Variants in TAFA1 observed in about 807,000 individuals in gnomAD.
TAFA1 encodes TAFA chemokine like family member 1.
In TAFA1, 4 loss-of-function variants were observed where a neutral mutation model predicts 18.5. The observed-to-expected ratio is 0.22, with a 90% CI of 0.11 to 0.49. The LOEUF is 0.49. Among genes scored for constraint, TAFA1 ranks in the 20% least tolerant of loss-of-function variants. The pLI is 0.98. For missense variants in TAFA1, 147 were observed against 169.0 expected (o/e 0.87, Z 0.72); for synonymous variants, 56 against 55.2 (o/e 1.01, Z -0.06).
chr3:68,434,863 C>T (rs1436855281), intron 3 of TAFA1, among the ~76,000 whole-genome samples: 1 of 152,020 alleles, frequency 6.6e-6, no homozygotes, highest in African/African-American at 2.4e-5. Flanking sequence ...CCTGTCGAAA[C>T]CAAAAATGAT....
intron 2 of TAFA1, among the ~76,000 whole-genome samples, chr3:68,261,142 C>T (rs1171426459): frequency 6.6e-6 from 1 of 152,074 alleles, no homozygotes; most frequent in African/African-American, 2.4e-5. Context: ...GACATTTATG[C>T]ATCCAAAAGA....
At chr3:68,524,330 A>T (rs1049305744) in intron 3 of TAFA1, among the ~76,000 whole-genome samples, 6 of 152,074 alleles carry the variant, frequency 3.9e-5, no homozygotes, top group Non-Finnish European at 7.4e-5. Flanking sequence ...CTAACCTTTT[A>T]TTGGATGAAA....
At chr3:68,284,312 G>C (rs182124324) in intron 2 of TAFA1, among the ~76,000 whole-genome samples, 69 of 152,220 alleles carry the variant, frequency 4.5e-4, no homozygotes, top group Middle Eastern at 6.8e-3. Flanking sequence ...AAATCCATCA[G>C]AATGGCCAAA....
At chr3:68,115,357 C>G (rs1162638596) in intron 2 of TAFA1, among the ~76,000 whole-genome samples, 1 of 152,128 alleles carries the variant, frequency 6.6e-6, no homozygotes, top group Admixed American at 6.5e-5. Context: ...CCCATTATTG[C>G]TTCCCAGATG....
At chr3:68,282,796 A>C (rs542407630) in intron 2 of TAFA1, among the ~76,000 whole-genome samples, 2 of 152,282 alleles carry the variant, frequency 1.3e-5, no homozygotes, top group South Asian at 4.1e-4. Flanking sequence ...CTTTTATTTC[A>C]ATGAGATGAT....
chr3:68,448,441 C>T (rs1359463197), intron 3 of TAFA1, among the ~76,000 whole-genome samples: 1 of 152,108 alleles, frequency 6.6e-6, no homozygotes, highest in Non-Finnish European at 1.5e-5. Context: ...AACAATGTTT[C>T]AATGACTCTA....
chr3:68,257,919 G>A (rs1405375092), intron 2 of TAFA1, among the ~76,000 whole-genome samples: 2 of 152,012 alleles, frequency 1.3e-5, no homozygotes, highest in Non-Finnish European at 2.9e-5. Flanking sequence ...CATAACCCCA[G>A]CCTAACTATA....
At chr3:68,134,157 G>T (rs1392621162) in intron 2 of TAFA1, among the ~76,000 whole-genome samples, 1 of 151,752 alleles carries the variant, frequency 6.6e-6, no homozygotes, top group Non-Finnish European at 1.5e-5. Flanking sequence ...AGAATGGCCT[G>T]TGCAAAAGGG....
chr3:68,466,864 T>C (rs1395684849), intron 3 of TAFA1, among the ~76,000 whole-genome samples: 3 of 152,148 alleles, frequency 2.0e-5, no homozygotes. Flanking sequence ...ATAGAAATTT[T>C]AAAGCTGGGT....
At chr3:68,439,550 T>C (rs578220715) in intron 3 of TAFA1, among the ~76,000 whole-genome samples, 71 of 151,070 alleles carry the variant, frequency 4.7e-4, no homozygotes, top group African/African-American at 1.7e-3. Flanking sequence ...CTGAAGAACT[T>C]GGAATCCGAT....
chr3:68,496,760 C>T (rs1032482767), intron 3 of TAFA1, among the ~76,000 whole-genome samples: 12 of 152,266 alleles, frequency 7.9e-5, no homozygotes, highest in Admixed American at 7.2e-4. Flanking sequence ...TGTAAATTTA[C>T]ACAGTTCCTT....
intron 2 of TAFA1, among the ~76,000 whole-genome samples, chr3:68,111,887 A>G (rs2065266946): frequency 6.6e-6 from 1 of 152,136 alleles, no homozygotes. Flanking sequence ...ATACATTAAT[A>G]ATTGCATTAA....
At chr3:68,022,842 TTATA>T (rs201139587) in intron 2 of TAFA1, among the ~76,000 whole-genome samples, 109 of 137,300 alleles carry the variant, frequency 7.9e-4, no homozygotes, top group African/African-American at 7.9e-4. Flanking sequence ...TATATATATA[TTATA>T]TATATATATA....
At chr3:68,060,950 C>T (rs919933028) in intron 2 of TAFA1, among the ~76,000 whole-genome samples, 2 of 152,186 alleles carry the variant, frequency 1.3e-5, no homozygotes, top group Non-Finnish European at 2.9e-5. Context: ...AACAGATCCA[C>T]AGTGGGTGTG....
At position 68,258,890 on chromosome 3, in the gene TAFA1, A is replaced by G. The variant is rs538055420; in HGVS notation, c.119-158390A>G. On this transcript the variant is annotated intron_variant, in intron 2 of 4. Transcript: ENST00000478136. ...GAAACAGCCAACAAGTGCCATTTTCAAGTCGCTACAGATCTCACCTAGACC... is the reference window on the plus strand; with the variant it reads ...GAAACAGCCAACAAGTGCCATTTTCGAGTCGCTACAGATCTCACCTAGACC... Among the ~76,000 whole-genome samples, 5 of 152,290 alleles carry G rather than the reference A, an allele frequency of 3.3e-5. No homozygotes were observed. The South Asian group carries it at 1.0e-3, about 32-fold the overall frequency.
At chr3:68,442,974 G>A (rs1201315285) in intron 3 of TAFA1, among the ~76,000 whole-genome samples, 1 of 152,144 alleles carries the variant, frequency 6.6e-6, no homozygotes, top group Non-Finnish European at 1.5e-5. Context: ...TTCAGGTGTA[G>A]GGGTAGCTCT....
At chr3:68,279,007 T>A (rs1326147274) in intron 2 of TAFA1, among the ~76,000 whole-genome samples, 5 of 152,164 alleles carry the variant, frequency 3.3e-5, no homozygotes, top group Admixed American at 2.0e-4. Flanking sequence ...ATTTAGCTTC[T>A]CTAATAAGTT....
intron 2 of TAFA1, among the ~76,000 whole-genome samples, chr3:68,105,042 T>TA: frequency 6.6e-6 from 1 of 152,222 alleles, no homozygotes; most frequent in Admixed American, 6.5e-5. Context: ...AGATCTGATG[T>TA]ATCATATGGT....
intron 2 of TAFA1, among the ~76,000 whole-genome samples, chr3:68,412,827 C>T (rs1391659076): frequency 6.6e-6 from 1 of 152,138 alleles, no homozygotes; most frequent in Non-Finnish European, 1.5e-5. Context: ...AATAGTGCCG[C>T]AATAAACATA....
Sources: allele counts gnomAD v4.1 joint callset (sites outside exome capture counted in the v4.1 genomes callset), GRCh38; gene constraint gnomAD v4.1.1; transcripts MANE v1.5; gene names NCBI Gene and HGNC (gene_info 2026-07-23, HGNC 2026-07-21).